MFSD11: variants seen among roughly 807,000 people sequenced by gnomAD.
The protein encoded by MFSD11 is UNC93-like protein MFSD11.
Under a neutral mutation model 53.5 loss-of-function variants are expected in MFSD11, and 36 were observed. The observed-to-expected ratio is 0.67, with a 90% confidence interval of 0.52 to 0.89. MFSD11 has a LOEUF of 0.89. Ranked by LOEUF, MFSD11 falls within the 40% of genes least tolerant of loss-of-function variation. The pLI is 0.00. For synonymous variants in MFSD11, 186 were observed against 184.9 expected, an observed-to-expected ratio of 1.01 and a Z score of -0.05; for missense variants, 530 against 543.9, an observed-to-expected ratio of 0.97 and a Z score of 0.25.
chr17:76,782,237 G>A (rs984541061), downstream of MFSD11, among the ~76,000 whole-genome samples: 4 of 151,262 alleles, frequency 2.6e-5, no homozygotes, highest in South Asian at 2.1e-4. Context: ...GTGCAATGGC[G>A]CGATCTCGGC....
chr17:76,787,138 T>C, the MFSD11 span, among the ~76,000 whole-genome samples: 12 of 150,034 alleles, frequency 8.0e-5, no homozygotes, highest in Non-Finnish European at 1.5e-4. Flanking sequence ...GATTTCTTTT[T>C]TTTTTTTTTT....
At chr17:76,766,480 T>G (rs1474923935) in intron 8 of MFSD11, among the ~76,000 whole-genome samples, 2 of 152,032 alleles carry the variant, frequency 1.3e-5, no homozygotes, top group African/African-American at 4.8e-5. Context: ...GAACATGCTT[T>G]GCTAGTAGTT....
chr17:76,743,589 C>T (rs532023269), intron 6 of MFSD11, 133 bp downstream of exon 6: 4 of 500,622 alleles, frequency 8.0e-6, no homozygotes, highest in Admixed American at 7.0e-5. Context: ...CAGATTTTAG[C>T]TTTTAGTAAG....
At position 76,769,825 on chromosome 17, in the gene MFSD11, C is replaced by G; in HGVS notation, c.828C>G (p.Ser276Arg). Residue 276 changes from serine to arginine, a missense_variant, in exon 10 of 13, where the codon AGC (serine) becomes AGG (arginine). Ser to Arg is a moderately radical substitution (Grantham distance 110). Coordinates refer to ENST00000685175, the MANE Select transcript of MFSD11 (RefSeq NM_001242532.5). ...ATNKFGAEEK[S>R]LIGLSGIFIG... is the part of the protein sequence containing the mutation. ...ATAAATTTGGAGCAGAAGAGAAAAGCCTTATTGGACTTTCTGGCATTTTCA... is the reference window on the plus strand; with the variant it reads ...ATAAATTTGGAGCAGAAGAGAAAAGGCTTATTGGACTTTCTGGCATTTTCA... 1 of 1,612,430 alleles carries G rather than the reference C, an allele frequency of 6.2e-7. No homozygotes were observed. The highest frequency in any genetic ancestry group is 8.5e-7 in the Non-Finnish European group (1 of 1,179,580).
At chr17:76,792,135 T>TG in the MFSD11 span, among the ~76,000 whole-genome samples, 4 of 148,774 alleles carry the variant, frequency 2.7e-5, 1 homozygote, top group African/African-American at 1.0e-4. Context: ...TTTTTTTTTT[T>TG]TGAGACAGAG....
chr17:76,788,246 TGTCC>T, the MFSD11 span, among the ~76,000 whole-genome samples: 2 of 149,502 alleles, frequency 1.3e-5, no homozygotes, highest in Non-Finnish European at 3.0e-5. Flanking sequence ...GTTGCCATGT[TGTCC>T]AGGCTGGTTT....
intron 7 of MFSD11, 45 bp from the exon 8 acceptor site, chr17:76,754,002 A>T (rs772444673): frequency 6.6e-7 from 1 of 1,513,514 alleles, no homozygotes; most frequent in Non-Finnish European, 9.1e-7. Context: ...TTGTTCTTTT[A>T]TTTTCAAAAA....
intron 10 of MFSD11, 146 bp from the exon 11 acceptor site, chr17:76,774,851 A>G: frequency 2.7e-6 from 2 of 731,978 alleles, no homozygotes; most frequent in Admixed American, 4.9e-5. Flanking sequence ...CATCATTATC[A>G]TTGTCTGCAA....
chr17:76,774,643 G>A (rs970249223), intron 10 of MFSD11, among the ~76,000 whole-genome samples: 1 of 152,156 alleles, frequency 6.6e-6, no homozygotes, highest in Non-Finnish European at 1.5e-5. Flanking sequence ...ACCTTGGCTT[G>A]TTTGGCTATG....
At chr17:76,741,374 T>C (rs2144102517) in intron 3 of MFSD11, among the ~76,000 whole-genome samples, 1 of 152,298 alleles carries the variant, frequency 6.6e-6, no homozygotes, top group South Asian at 2.1e-4. Flanking sequence ...TCAAATGAAA[T>C]AACTAAATCT....
chr17:76,760,475 T>G lies in MFSD11; in HGVS notation c.682+6388T>G, dbSNP rs111437545. Among the ~76,000 whole-genome samples, 753 of 151,924 alleles carry G rather than the reference T, an allele frequency of 5.0e-3. 9 individuals are homozygous for G. The highest frequency in any genetic ancestry group is 0.017 in the African/African-American group (702 of 41,458). On this transcript the variant is annotated intron_variant, in intron 8 of 12. Transcript: ENST00000685175. ...GGACCCCTGAAGTTCAAACCCATGT[T>G]GTTCAAGGGTCAACTGTGTAAGTAA...
At chr17:76,756,320 C>A (rs773662777) in intron 8 of MFSD11, among the ~76,000 whole-genome samples, 2 of 151,524 alleles carry the variant, frequency 1.3e-5, no homozygotes, top group Non-Finnish European at 2.9e-5. Flanking sequence ...GACAGGGTTT[C>A]TCCATTTTGG....
chr17:76,751,933 A>G (rs1421040256), intron 7 of MFSD11, among the ~76,000 whole-genome samples: 2 of 152,182 alleles, frequency 1.3e-5, no homozygotes, highest in African/African-American at 4.8e-5. Flanking sequence ...TCTGACTCCA[A>G]AGCCCTTGTT....
the MFSD11 span, among the ~76,000 whole-genome samples, chr17:76,788,452 G>A: frequency 1.3e-5 from 2 of 148,814 alleles, no homozygotes; most frequent in East Asian, 4.0e-4. Context: ...TGCAACCACC[G>A]CCTACCAAGT....
chr17:76,737,213 C>A, upstream of MFSD11: 1 of 1,479,732 alleles, frequency 6.8e-7, no homozygotes, highest in Non-Finnish European at 9.0e-7. Flanking sequence ...TTCCTCAGCT[C>A]TGGGCGGTGC....
the MFSD11 span, among the ~76,000 whole-genome samples, chr17:76,802,154 C>A: frequency 6.6e-6 from 1 of 151,934 alleles, no homozygotes; most frequent in African/African-American, 2.4e-5. Flanking sequence ...ACCTGTAATC[C>A]CAGCTTCTCG....
At chr17:76,749,952 G>A (rs1356300963) in intron 7 of MFSD11, among the ~76,000 whole-genome samples, 1 of 151,870 alleles carries the variant, frequency 6.6e-6, no homozygotes, top group Non-Finnish European at 1.5e-5. Flanking sequence ...TGGAAGGGGA[G>A]CTGTTGCAGT....
chr17:76,737,343 C>G (rs989230257), upstream of MFSD11: 6 of 750,722 alleles, frequency 8.0e-6, no homozygotes, highest in African/African-American at 7.1e-5. Context: ...GGCGGGCAGC[C>G]GGCCTCTGCG....
intron 7 of MFSD11, among the ~76,000 whole-genome samples, chr17:76,745,812 CTTATTTATTTATTTAT>C (rs111982936): frequency 6.7e-6 from 1 of 148,896 alleles, no homozygotes. Context: ...TTATTATTTA[CTTATTTATTTATTTAT>C]TTATTTATTT....
Sources: gnomAD v4.1 joint callset for allele counts (sites outside exome capture counted in the v4.1 genomes callset) on GRCh38, gnomAD v4.1.1 for gene constraint, MANE v1.5 for transcripts, NCBI Gene and HGNC (gene_info 2026-07-23, HGNC 2026-07-21) for gene names.